The following CLNK variants were observed in gnomAD, a reference collection of about 807,000 sequenced individuals.
CLNK encodes the protein cytokine-dependent hematopoietic cell linker.
Under a neutral mutation model 68.6 loss-of-function variants are expected in CLNK, and 74 were observed. The observed-to-expected ratio is 1.08, with a 90% CI of 0.89 to 1.31. CLNK has a LOEUF of 1.31. Among genes scored for constraint, CLNK ranks in the 50% most tolerant of loss-of-function variants. The pLI is 0.00. For synonymous variants in CLNK, 198 were observed against 172.2 expected, an observed-to-expected ratio of 1.15 and a Z score of -1.17; for missense variants, 553 against 515.3, an observed-to-expected ratio of 1.07 and a Z score of -0.71.
At chr4:10,631,936 C>G (rs1318106834) in intron 2 of CLNK, among the ~76,000 whole-genome samples, 1 of 152,100 alleles carries the variant, frequency 6.6e-6, no homozygotes, top group African/African-American at 2.4e-5. Context: ...TATTTAAACA[C>G]CTACCCCTGT....
At chr4:10,654,181 A>G (rs1293053178) in intron 2 of CLNK, among the ~76,000 whole-genome samples, 1 of 151,994 alleles carries the variant, frequency 6.6e-6, no homozygotes, top group Non-Finnish European at 1.5e-5. Flanking sequence ...ATACTCATTA[A>G]TGAAACACTG....
chr4:10,674,263 G>A (rs1260593250), intron 1 of CLNK, among the ~76,000 whole-genome samples: 1 of 152,010 alleles, frequency 6.6e-6, no homozygotes, highest in Non-Finnish European at 1.5e-5. Flanking sequence ...AGGAGCCCAG[G>A]GTCCTCCAGG....
In CLNK at chr4:10,532,272, A is replaced by G. The variant is rs753183643; in HGVS notation, c.614T>C (p.Leu205Ser). The G allele has an allele frequency of 6.2e-7, 1 of 1,610,702 alleles. No homozygotes were observed. The highest frequency in any genetic ancestry group is 2.2e-5 in the East Asian group (1 of 44,832). ...GCTACTTACCTCACTTAAGTCCCTT[A>G]AGCTTATCTGACTGCAAGAAAAAGA... ...EVQRMPSQIS[L>S]RDLSEVLEAE... is the part of the protein sequence containing the mutation. The change falls in exon 12 of 19, where the codon TTA (leucine) becomes TCA (serine). Residue 205 changes from leucine to serine, a missense_variant. Transcript: ENST00000226951.
chr4:10,577,298 T>G (rs1327683882), intron 4 of CLNK, among the ~76,000 whole-genome samples: 2 of 152,098 alleles, frequency 1.3e-5, no homozygotes, highest in Non-Finnish European at 2.9e-5. Flanking sequence ...TGGCTCCAAA[T>G]CTGCAGGTTG....
intron 4 of CLNK, among the ~76,000 whole-genome samples, chr4:10,578,066 T>A (rs1308095931): frequency 6.6e-6 from 1 of 152,184 alleles, no homozygotes; most frequent in Non-Finnish European, 1.5e-5. Flanking sequence ...GGAATAATAC[T>A]ACCTACCCCC....
At chr4:10,600,280 C>T (rs1054711187) in intron 2 of CLNK, among the ~76,000 whole-genome samples, 3 of 152,186 alleles carry the variant, frequency 2.0e-5, no homozygotes, top group Non-Finnish European at 4.4e-5. Context: ...CTGCTGCTTC[C>T]GCTTTGAGTC....
chr4:10,598,020 G>A lies in CLNK; in HGVS notation c.41C>T (p.Ser14Phe). 1 of 1,589,320 alleles carries A rather than the reference G, an allele frequency of 6.3e-7. No individual in the cohort carries two copies. Among genetic ancestry groups the A allele is most frequent in the Non-Finnish European group, 8.6e-7 (1 of 1,166,208 alleles). ...QGNRKTTKEGSNDLKFQNFSL... is the reference protein window; with the variant it reads ...QGNRKTTKEGFNDLKFQNFSL... ...GAAGTTCTGGAATTTCAAATCGTTG[G>A]ATCCTTCTTTAGTTGTCTTTCTATT... Residue 14 changes from serine to phenylalanine, a missense_variant, in exon 3 of 19, where the codon TCC (serine) becomes TTC (phenylalanine). Transcript: ENST00000226951.
intron 3 of CLNK, among the ~76,000 whole-genome samples, chr4:10,597,524 A>G (rs1165829076): frequency 6.6e-6 from 1 of 152,154 alleles, no homozygotes; most frequent in Non-Finnish European, 1.5e-5. Flanking sequence ...TGATACCATA[A>G]CCACTCAGCA....
intron 18 of CLNK, among the ~76,000 whole-genome samples, chr4:10,499,665 G>A (rs938051112): frequency 5.9e-5 from 9 of 152,178 alleles, no homozygotes; most frequent in Admixed American, 2.0e-4. Flanking sequence ...CAAGGCTACC[G>A]TAACTAAGCA....
At chr4:10,694,553 G>A in the CLNK span, among the ~76,000 whole-genome samples, 1 of 152,112 alleles carries the variant, frequency 6.6e-6, no homozygotes, top group African/African-American at 2.4e-5. Context: ...GTAACATGCT[G>A]TACAGGTTTG....
At chr4:10,636,900 T>C (rs1723114762) in intron 2 of CLNK, among the ~76,000 whole-genome samples, 1 of 152,148 alleles carries the variant, frequency 6.6e-6, no homozygotes, top group Admixed American at 6.5e-5. Flanking sequence ...ATCATGACAA[T>C]ATATCCCTCT....
chr4:10,669,982 G>C (rs539585431), intron 1 of CLNK, among the ~76,000 whole-genome samples: 1 of 152,198 alleles, frequency 6.6e-6, no homozygotes, highest in Non-Finnish European at 1.5e-5. Context: ...TCCTGGACTG[G>C]AAGTTGAGAG....
intron 2 of CLNK, among the ~76,000 whole-genome samples, chr4:10,615,042 C>G (rs1001246068): frequency 6.6e-6 from 1 of 152,000 alleles, no homozygotes; most frequent in Non-Finnish European, 1.5e-5. Flanking sequence ...AAAAATTAGT[C>G]ACTCATGGTG....
chr4:10,608,331 C>T (rs1445965653), intron 2 of CLNK, among the ~76,000 whole-genome samples: 1 of 152,218 alleles, frequency 6.6e-6, no homozygotes, highest in Non-Finnish European at 1.5e-5. Context: ...CCTCGGCCTG[C>T]TAGGCCCATT....
intron 8 of CLNK, 50 bp downstream of exon 8, chr4:10,558,357 A>C: frequency 6.6e-7 from 1 of 1,525,896 alleles, no homozygotes; most frequent in Non-Finnish European, 9.1e-7. Context: ...TTAGAAGCAA[A>C]ATAGATGTTT....
chr4:10,632,468 C>A (rs1475572057), intron 2 of CLNK, among the ~76,000 whole-genome samples: 2 of 152,248 alleles, frequency 1.3e-5, no homozygotes, highest in Non-Finnish European at 2.9e-5. Context: ...TCAGACTATA[C>A]AACTTTCATT....
intron 7 of CLNK, 121 bp downstream of exon 7, chr4:10,564,550 A>C: frequency 1.4e-6 from 1 of 693,478 alleles, no homozygotes; most frequent in Non-Finnish European, 2.6e-6. Context: ...CATCCACCTC[A>C]GTGAGCTTGA....
At chr4:10,590,587 C>G (rs955092972) in intron 3 of CLNK, among the ~76,000 whole-genome samples, 24 of 152,190 alleles carry the variant, frequency 1.6e-4, no homozygotes, top group Non-Finnish European at 7.3e-5. Context: ...AGCCTTCTCT[C>G]TCTCTCAAAC....
intron 8 of CLNK, among the ~76,000 whole-genome samples, chr4:10,547,115 C>T (rs572831976): frequency 1.3e-5 from 2 of 152,232 alleles, no homozygotes; most frequent in South Asian, 4.1e-4. Flanking sequence ...GTCAATACTG[C>T]TATATTGGGG....
Sources: gnomAD v4.1 joint callset for allele counts (sites outside exome capture counted in the v4.1 genomes callset) on GRCh38, gnomAD v4.1.1 for gene constraint, MANE v1.5 for transcripts, NCBI Gene and HGNC (gene_info 2026-07-23, HGNC 2026-07-21) for gene names.